Variants in HEG1 observed in about 807,000 individuals in gnomAD.
The protein encoded by HEG1 is protein HEG homolog 1.
Under a neutral mutation model 125.6 loss-of-function variants are expected in HEG1, and 56 were observed. The observed-to-expected ratio is 0.45, with a 90% CI of 0.36 to 0.56. The LOEUF (loss-of-function observed/expected upper bound fraction) is 0.56. HEG1 is among the 20% of genes least tolerant of loss of function. The pLI is 0.00. For missense variants in HEG1, 1,523 were observed against 1,670.0 expected, an observed-to-expected ratio of 0.91 and a Z score of 1.53; for synonymous variants, 644 against 668.5, an observed-to-expected ratio of 0.96 and a Z score of 0.57.
intron 5 of HEG1, among the ~76,000 whole-genome samples, chr3:125,015,496 T>C (rs188985440): frequency 2.0e-5 from 3 of 152,306 alleles, no homozygotes; most frequent in African/African-American, 7.2e-5. Context: ...ATTAGTACAA[T>C]GGCAAAGAAA....
chr3:124,975,364 C>G (rs3796206), intron 15 of HEG1, among the ~76,000 whole-genome samples: 53,656 of 152,018 alleles, frequency 0.35, 10,360 homozygotes, highest in African/African-American at 0.51. Flanking sequence ...CTGAATAGAT[C>G]ATCACAGAGA....
chr3:124,973,819 C>T lies in HEG1; in HGVS notation c.3908G>A (p.Arg1303His), dbSNP rs200434486. 27 of 1,613,654 alleles carry T rather than the reference C, an allele frequency of 1.7e-5. No homozygotes were observed. Among genetic ancestry groups the T allele is most frequent in the African/African-American group, 1.3e-4 (10 of 74,984 alleles). ...AGCTTCTCGGCCCCATTCTTGTGAG[C>T]GAGGATTTTTGGGGTATTCAGCATA... ...SPYAEYPKNP[R>H]SQEWGREAIE... Residue 1303 changes from arginine (R) to histidine (H), a missense_variant, in exon 16 of 17, where the codon CGC (arginine) becomes CAC (histidine). By Grantham distance (29) the Arg-to-His change is conservative. Coordinates refer to ENST00000311127, the MANE Select transcript of HEG1 (RefSeq NM_020733.2).
At chr3:125,039,150 A>C (rs1405931219) in intron 1 of HEG1, among the ~76,000 whole-genome samples, 1 of 151,726 alleles carries the variant, frequency 6.6e-6, no homozygotes, top group African/African-American at 2.4e-5. Flanking sequence ...TTAAATTAAC[A>C]AGAGCGTTTT....
At chr3:124,977,566 G>A (rs1333542811) in intron 15 of HEG1, among the ~76,000 whole-genome samples, 2 of 152,184 alleles carry the variant, frequency 1.3e-5, no homozygotes, top group East Asian at 3.8e-4. Flanking sequence ...GTCCTTTGGA[G>A]TACAAAAGTT....
intron 3 of HEG1, among the ~76,000 whole-genome samples, chr3:125,022,015 T>C (rs113960905): frequency 0.011 from 1,627 of 152,274 alleles, 21 homozygotes; most frequent in African/African-American, 0.035. Flanking sequence ...TCAGACGCTA[T>C]TGGTCAAAAG....
intron 6 of HEG1, among the ~76,000 whole-genome samples, chr3:125,011,361 T>C (rs1021849301): frequency 5.9e-5 from 9 of 152,214 alleles, no homozygotes; most frequent in Admixed American, 1.3e-4. Flanking sequence ...ACAGCACTTA[T>C]ATAGCCAAAC....
intron 3 of HEG1, among the ~76,000 whole-genome samples, chr3:125,023,931 T>C (rs1937375980): frequency 6.6e-6 from 1 of 151,886 alleles, no homozygotes; most frequent in Non-Finnish European, 1.5e-5. Flanking sequence ...AACCTTGACC[T>C]GACTGCTATC....
At chr3:124,985,809 G>A (rs576644855) in intron 14 of HEG1, among the ~76,000 whole-genome samples, 1 of 152,292 alleles carries the variant, frequency 6.6e-6, no homozygotes, top group Admixed American at 6.5e-5. Flanking sequence ...AGACAGTCTT[G>A]CTCTGTCGCC....
intron 1 of HEG1, among the ~76,000 whole-genome samples, chr3:125,050,505 C>T (rs543191918): frequency 6.6e-6 from 1 of 152,218 alleles, no homozygotes; most frequent in East Asian, 1.9e-4. Context: ...TCAACTCCCC[C>T]CTTTCCCACT....
At chr3:124,990,341 G>GTT (rs67222660) in intron 14 of HEG1, among the ~76,000 whole-genome samples, 2 of 143,362 alleles carry the variant, frequency 1.4e-5, no homozygotes, top group Non-Finnish European at 1.5e-5. Context: ...TGTTTTTTGG[G>GTT]TTTTTTTTTT....
At chr3:125,048,783 T>C (rs1430012794) in intron 1 of HEG1, among the ~76,000 whole-genome samples, 1 of 152,174 alleles carries the variant, frequency 6.6e-6, no homozygotes, top group Non-Finnish European at 1.5e-5. Context: ...CATAAGTGGA[T>C]GCAAACAACA....
Position 124,974,018 on chromosome 3 carries a change from T to C in HEG1, c.3822-113A>G, listed in dbSNP as rs577550415. ...CAACTGAAAGCTACCATTATATTTATTTGTAGCTGCCCACTGAGTAGTATT... is the reference window on the plus strand; with the variant it reads ...CAACTGAAAGCTACCATTATATTTACTTGTAGCTGCCCACTGAGTAGTATT... On this transcript the variant is annotated intron_variant, in intron 15 of 16. Transcript: ENST00000311127. The C allele has an allele frequency of 2.6e-4, 184 of 708,572 alleles. No homozygotes were observed. The African/African-American group carries it at 2.9e-3, about 11-fold the overall frequency. The allele number at this position is 708,572 out of a possible 1,614,324, so 43.9% of individuals were successfully genotyped here.
intron 15 of HEG1, among the ~76,000 whole-genome samples, chr3:124,977,363 T>C (rs1424053865): frequency 6.6e-6 from 1 of 152,242 alleles, no homozygotes; most frequent in African/African-American, 2.4e-5. Context: ...AATGTGCTTA[T>C]TGGCCATCTG....
rs1417626879 is a variant in HEG1, at chr3:125,021,101, A to C, written c.943T>G (p.Ser315Ala). ...ACTGAGGAGCTCTGGAGGCCAGTGG[A>C]GTTGTTAAGCTTCTCTGTACTTTCA... ...SSESTEKLNN[S>A]TGLQSSSVSQ... is the part of the protein sequence containing the mutation. The change falls in exon 4 of 17, where the codon TCC (serine) becomes GCC (alanine). Residue 315 changes from serine (S) to alanine (A), a missense_variant. Physicochemically the swap from Ser to Ala is moderately conservative, Grantham distance 99. Transcript: ENST00000311127. 1.9e-6 allele frequency: 3 copies of C among 1,584,552 alleles called. No homozygotes were observed. Among genetic ancestry groups the C allele is most frequent in the South Asian group, 2.3e-5 (2 of 86,964 alleles).
At chr3:125,000,888 G>A (rs1357815880) in intron 11 of HEG1, among the ~76,000 whole-genome samples, 2 of 152,246 alleles carry the variant, frequency 1.3e-5, no homozygotes, top group Non-Finnish European at 1.5e-5. Context: ...TACTTGTGTA[G>A]TAAAATGAGC....
At chr3:125,019,033 ATTTT>A (rs1326368597) in intron 5 of HEG1, among the ~76,000 whole-genome samples, 1 of 151,946 alleles carries the variant, frequency 6.6e-6, no homozygotes, top group African/African-American at 2.4e-5. Context: ...CACCCGGCTA[ATTTT>A]TTGTATTGTT....
chr3:125,014,311 C>T (rs770438030), intron 5 of HEG1, among the ~76,000 whole-genome samples: 11 of 151,986 alleles, frequency 7.2e-5, no homozygotes, highest in Non-Finnish European at 1.5e-4. Flanking sequence ...ATGCCTTTTT[C>T]GATAAAAGCA....
intron 1 of HEG1, among the ~76,000 whole-genome samples, chr3:125,051,072 A>G (rs951061919): frequency 3.3e-5 from 5 of 152,220 alleles, no homozygotes; most frequent in African/African-American, 1.2e-4. Context: ...TCACCAATTC[A>G]TTTCAGCTTG....
chr3:125,031,862 C>T (rs1025949354), intron 1 of HEG1, among the ~76,000 whole-genome samples: 4 of 152,046 alleles, frequency 2.6e-5, no homozygotes, highest in African/African-American at 9.7e-5. Context: ...AACAAGTTAT[C>T]TTTCAGATCA....
Sources: allele counts gnomAD v4.1 joint callset (sites outside exome capture counted in the v4.1 genomes callset), GRCh38; gene constraint gnomAD v4.1.1; transcripts MANE v1.5; gene names NCBI Gene and HGNC (gene_info 2026-07-23, HGNC 2026-07-21).